PRTFDC1: variants seen among roughly 807,000 people sequenced by gnomAD.
PRTFDC1 encodes the protein phosphoribosyltransferase domain-containing protein 1.
Under a neutral mutation model 34.6 loss-of-function variants are expected in PRTFDC1, and 38 were observed. The observed-to-expected ratio is 1.10, with a 90% confidence interval of 0.85 to 1.44. The LOEUF (loss-of-function observed/expected upper bound fraction) is 1.44, where lower values mean the gene tolerates loss of function less well. PRTFDC1 is among the 40% of genes most tolerant of loss of function. The pLI, the probability that PRTFDC1 is intolerant of heterozygous loss-of-function variation, is 0.00. For synonymous variants in PRTFDC1, 93 were observed against 98.1 expected, an observed-to-expected ratio of 0.95 and a Z score of 0.31; for missense variants, 270 against 283.0, an observed-to-expected ratio of 0.95 and a Z score of 0.33.
intron 2 of PRTFDC1, among the ~76,000 whole-genome samples, 157 bp downstream of exon 2, chr10:24,942,173 C>T (rs542560772): frequency 6.5e-4 from 99 of 152,282 alleles, no homozygotes; most frequent in African/African-American, 1.3e-3. Context: ...TTTAAGCATA[C>T]ATTCATTTTA....
intron 3 of PRTFDC1, among the ~76,000 whole-genome samples, chr10:24,885,901 C>CA (rs1565266150): frequency 6.6e-6 from 1 of 152,176 alleles, no homozygotes; most frequent in African/African-American, 2.4e-5. Flanking sequence ...AAAGGCCACA[C>CA]ACTGTAAGAT....
intron 3 of PRTFDC1, among the ~76,000 whole-genome samples, chr10:24,911,306 T>A (rs1848623239): frequency 6.6e-6 from 1 of 152,220 alleles, no homozygotes; most frequent in Non-Finnish European, 1.5e-5. Flanking sequence ...TGAACTGTTA[T>A]GAAGTTCATT....
At chr10:24,908,963 T>C (rs920612697) in intron 3 of PRTFDC1, among the ~76,000 whole-genome samples, 6 of 152,244 alleles carry the variant, frequency 3.9e-5, no homozygotes, top group African/African-American at 1.4e-4. Flanking sequence ...CCAACCTTTC[T>C]GAGCCTCCGT....
intron 3 of PRTFDC1, among the ~76,000 whole-genome samples, chr10:24,918,304 T>A (rs1330702726): frequency 6.6e-6 from 1 of 152,024 alleles, no homozygotes; most frequent in African/African-American, 2.4e-5. Flanking sequence ...GTCCAGTTTG[T>A]CATATGAGGT....
chr10:24,925,482 A>C lies in PRTFDC1; in HGVS notation c.339+11702T>G, dbSNP rs114903415. On this transcript the variant is annotated intron_variant, in intron 3 of 8. Transcript: ENST00000320152. ...AACTTAAAATATAATTAAAAAAATA[A>C]ATAAACCTCTTTCCTTTATAAATTA... is the stretch of plus-strand genomic sequence containing the variant. Among the ~76,000 whole-genome samples the C allele has an allele frequency of 7.1e-3, 1,077 of 152,322 alleles. 16 individuals are homozygous for C. The highest frequency in any genetic ancestry group is 0.025 in the African/African-American group (1,023 of 41,568).
Position 24,942,440 on chromosome 10 carries a change from CA to C in PRTFDC1, c.49-5del, listed in dbSNP as rs1849177119. On this transcript the variant is annotated splice_polypyrimidine_tract_variant and splice_region_variant and intron_variant, in intron 1 of 8. Coordinates refer to ENST00000320152, the MANE Select transcript of PRTFDC1 (RefSeq NM_020200.7). The stretch of plus-strand genomic sequence containing the variant: ...ACCCTGGCCAATCATCCATAATCTG[CA>C]AATCAAATTATTTTGGTTATGGTAT... 6.2e-7 allele frequency: 1 copy of C among 1,602,396 alleles called. No homozygotes were observed. Among genetic ancestry groups the C allele is most frequent in the Admixed American group, 1.7e-5 (1 of 59,972 alleles).
chr10:24,949,715 GTTTA>G (rs200179383), intron 1 of PRTFDC1, among the ~76,000 whole-genome samples: 4,927 of 144,100 alleles, frequency 0.034, 252 homozygotes, highest in African/African-American at 0.11. Flanking sequence ...CATTTTTTTT[GTTTA>G]TTTATTTATT....
intron 3 of PRTFDC1, among the ~76,000 whole-genome samples, chr10:24,934,943 G>A (rs1849026892): frequency 6.6e-6 from 1 of 152,136 alleles, no homozygotes; most frequent in Admixed American, 6.5e-5. Flanking sequence ...TTATGATTTA[G>A]GGATTTACTA....
chr10:24,917,210 A>C (rs1456578860), intron 3 of PRTFDC1, among the ~76,000 whole-genome samples: 1 of 151,906 alleles, frequency 6.6e-6, no homozygotes, highest in Non-Finnish European at 1.5e-5. Context: ...CTCTGGGAGG[A>C]CTCTCAGCAG....
Position 24,849,059 on chromosome 10 carries a change from T to C in PRTFDC1, c.*785A>G, listed in dbSNP as rs1356451641. The C allele has an allele frequency of 6.6e-6, 1 of 152,116 alleles. No homozygotes were observed. Among genetic ancestry groups the C allele is most frequent in the East Asian group, 1.9e-4 (1 of 5,204 alleles). The allele number at this position is 152,116 out of a possible 1,614,324, so 9.4% of individuals were successfully genotyped here. A position where few individuals can be genotyped will look rare whatever the true frequency, so the allele number is the denominator to read the frequency against. ...AAAGCACTCGCCCCTAATTCTGCCA[T>C]TTGCTCATGTCCCACATGAATAAAA... is the stretch of plus-strand genomic sequence containing the variant. On this transcript the variant is annotated 3_prime_UTR_variant, in exon 9 of 9. Transcript: ENST00000320152.
chr10:24,899,359 A>T (rs1442726432), intron 3 of PRTFDC1, among the ~76,000 whole-genome samples: 2 of 152,092 alleles, frequency 1.3e-5, no homozygotes, highest in African/African-American at 4.8e-5. Context: ...ATTTTATTGC[A>T]AGTGAAGGCA....
chr10:24,897,046 CA>C (rs1848378841), intron 3 of PRTFDC1, among the ~76,000 whole-genome samples: 3 of 152,060 alleles, frequency 2.0e-5, no homozygotes, highest in Admixed American at 1.3e-4. Context: ...CCCATCTCTA[CA>C]AAAAATACAA....
At chr10:24,898,964 C>A (rs1441812159) in intron 3 of PRTFDC1, among the ~76,000 whole-genome samples, 1 of 147,060 alleles carries the variant, frequency 6.8e-6, no homozygotes, top group Non-Finnish European at 1.5e-5. Flanking sequence ...AAGAAGCTGG[C>A]CACATGCAAC....
At chr10:24,945,945 T>G (rs1337326806) in intron 1 of PRTFDC1, among the ~76,000 whole-genome samples, 1 of 152,106 alleles carries the variant, frequency 6.6e-6, no homozygotes, top group African/African-American at 2.4e-5. Context: ...GAGGAGATTC[T>G]AGGAGAGCCT....
intron 7 of PRTFDC1, among the ~76,000 whole-genome samples, chr10:24,853,593 T>A (rs532555925): frequency 3.4e-4 from 51 of 152,004 alleles, no homozygotes; most frequent in Non-Finnish European, 6.2e-4. Flanking sequence ...AGAGTCAGAT[T>A]CCGTCTCAAA....
chr10:24,902,396 T>A (rs955199314), intron 3 of PRTFDC1, among the ~76,000 whole-genome samples: 1 of 152,178 alleles, frequency 6.6e-6, no homozygotes, highest in African/African-American at 2.4e-5. Flanking sequence ...GTACAGTTGA[T>A]CATCTTGAAA....
intron 3 of PRTFDC1, among the ~76,000 whole-genome samples, chr10:24,931,359 A>G (rs1018457681): frequency 7.9e-5 from 12 of 152,056 alleles, no homozygotes; most frequent in African/African-American, 2.9e-4. Context: ...CCCAAAACAA[A>G]CAGAAGGAAG....
At chr10:24,947,247 T>C (rs1588628652) in intron 1 of PRTFDC1, among the ~76,000 whole-genome samples, 2 of 152,356 alleles carry the variant, frequency 1.3e-5, no homozygotes, top group East Asian at 3.9e-4. Flanking sequence ...TGAGTTTTCA[T>C]TGTTGAGATG....
At chr10:24,873,077 T>G (rs769163646) in intron 3 of PRTFDC1, among the ~76,000 whole-genome samples, 2 of 152,052 alleles carry the variant, frequency 1.3e-5, no homozygotes, top group African/African-American at 2.4e-5. Context: ...TCTCCTGTCT[T>G]GGCCTCCCAA....
Sources: allele counts gnomAD v4.1 joint callset (sites outside exome capture counted in the v4.1 genomes callset), GRCh38; gene constraint gnomAD v4.1.1; transcripts MANE v1.5; gene names NCBI Gene and HGNC (gene_info 2026-07-23, HGNC 2026-07-21).